The following INSR variants were observed in gnomAD, a reference collection of about 807,000 sequenced individuals.
INSR encodes IR.
A neutral mutation model predicts 142.6 loss-of-function variants in INSR; 67 were observed. The ratio of observed to expected loss-of-function variants is 0.47; its 90% confidence interval spans 0.39 to 0.58. The LOEUF (loss-of-function observed/expected upper bound fraction) is 0.58. Among genes scored for constraint, INSR ranks in the 20% least tolerant of loss-of-function variants. INSR has a pLI of 0.00. For synonymous variants in INSR, 756 were observed against 743.1 expected (o/e 1.02, Z -0.28); for missense variants, 1,248 against 1,833.2 (o/e 0.68, Z 5.83).
intron 2 of INSR, among the ~76,000 whole-genome samples, chr19:7,261,725 T>A (rs997044214): frequency 1.3e-5 from 2 of 151,934 alleles, no homozygotes; most frequent in Non-Finnish European, 2.9e-5. Flanking sequence ...GAGACAGCGT[T>A]TTGCTATGTT....
intron 4 of INSR, among the ~76,000 whole-genome samples, chr19:7,173,683 G>C (rs924620821): frequency 7.1e-6 from 1 of 141,372 alleles, no homozygotes; most frequent in Non-Finnish European, 1.5e-5. Flanking sequence ...GCAGTGGCGC[G>C]ATCCCAGCTC....
At chr19:7,134,637 C>T (rs1306632838) in intron 13 of INSR, among the ~76,000 whole-genome samples, 2 of 151,500 alleles carry the variant, frequency 1.3e-5, no homozygotes, top group East Asian at 1.9e-4. Flanking sequence ...TGGTGGTGTG[C>T]GCCTGTAATC....
intron 2 of INSR, among the ~76,000 whole-genome samples, chr19:7,211,682 C>G (rs1347980770): frequency 6.6e-6 from 1 of 152,214 alleles, no homozygotes; most frequent in African/African-American, 2.4e-5. Context: ...ACAGCTGACT[C>G]TACTCCCACA....
intron 2 of INSR, among the ~76,000 whole-genome samples, chr19:7,265,652 TTGAACCCGGGAGGCA>T (rs1967700168): frequency 6.6e-6 from 1 of 151,636 alleles, no homozygotes; most frequent in African/African-American, 2.4e-5. Context: ...GGAGAACCGC[TTGAACCCGGGAGGCA>T]GAGGTTGCAG....
Position 7,281,159 on chromosome 19 carries a change from A to G in INSR, c.100+12633T>C, listed in dbSNP as rs540432206. ...CAGACAAGAGCAGACAGGACACAGA[A>G]GACAGGAGGAAAAACAAGAGAAGTC... On this transcript the variant is annotated intron_variant, in intron 1 of 21. Coordinates refer to ENST00000302850, the MANE Select transcript of INSR (RefSeq NM_000208.4). 9.2e-5 allele frequency among the ~76,000 whole-genome samples: 14 copies of G among 152,322 alleles called. No individual in the cohort carries two copies. In the East Asian group the frequency reaches 2.5e-3, roughly 27 times the overall value.
intron 1 of INSR, among the ~76,000 whole-genome samples, chr19:7,269,143 A>G (rs1054553438): frequency 1.3e-5 from 2 of 151,192 alleles, no homozygotes; most frequent in Admixed American, 1.3e-4. Context: ...TTTGTTCCAA[A>G]ACACTAAACC....
chr19:7,175,203 C>G (rs1396527005), intron 3 of INSR, among the ~76,000 whole-genome samples: 1 of 151,950 alleles, frequency 6.6e-6, no homozygotes. Flanking sequence ...TAGGACATAT[C>G]GCTTGATTGT....
In INSR at chr19:7,252,065, G is replaced by A. The variant is rs946688002; in HGVS notation, c.652+15280C>T. Among the ~76,000 whole-genome samples the A allele has an allele frequency of 1.1e-4, 17 of 152,100 alleles. No homozygotes were observed. In the South Asian group the frequency reaches 1.5e-3, roughly 13 times the overall value. ...GAGGTGGGTGGATCACCTGAGGTCC[G>A]GAGTTCAAGACCAGCCTGGCCAACA... On this transcript the variant is annotated intron_variant, in intron 2 of 21. Coordinates refer to ENST00000302850, the MANE Select transcript of INSR (RefSeq NM_000208.4).
intron 14 of INSR, 131 bp downstream of exon 14, chr19:7,132,027 A>C (rs1042188101): frequency 3.2e-5 from 35 of 1,107,520 alleles, no homozygotes; most frequent in Non-Finnish European, 4.7e-5. Context: ...CAAGCACCGC[A>C]GCAGCTGATA....
Position 7,219,982 on chromosome 19 carries a change from A to G in INSR, c.653-35345T>C, listed in dbSNP as rs190342776. Among the ~76,000 whole-genome samples, 201 of 152,296 alleles carry G rather than the reference A, an allele frequency of 1.3e-3. 1 individual carries two copies. The highest frequency in any genetic ancestry group is 4.2e-3 in the African/African-American group (174 of 41,562). On this transcript the variant is annotated intron_variant, in intron 2 of 21. Coordinates refer to ENST00000302850, the MANE Select transcript of INSR (RefSeq NM_000208.4). ...ATCTTATGGAACCTTCTGGGGTCAC[A>G]TGCCCACCCCTGAACCAATCATGGA...
intron 2 of INSR, among the ~76,000 whole-genome samples, chr19:7,210,129 G>C (rs1975229942): frequency 6.6e-6 from 1 of 151,962 alleles, no homozygotes; most frequent in Admixed American, 6.6e-5. Context: ...TGGATCACCT[G>C]AGGTCAGGAG....
intron 2 of INSR, among the ~76,000 whole-genome samples, chr19:7,249,147 C>T (rs1005825855): frequency 6.6e-6 from 1 of 152,050 alleles, no homozygotes; most frequent in African/African-American, 2.4e-5. Flanking sequence ...AAATTTAAGA[C>T]CATCCTCTAA....
intron 2 of INSR, among the ~76,000 whole-genome samples, chr19:7,248,746 T>G (rs1174594674): frequency 7.5e-6 from 1 of 133,412 alleles, no homozygotes; most frequent in African/African-American, 2.7e-5. Flanking sequence ...TATTCCCGGT[T>G]GGCCAGAATT....
chr19:7,285,854 T>C (rs1158504207), intron 1 of INSR, among the ~76,000 whole-genome samples: 2 of 152,020 alleles, frequency 1.3e-5, no homozygotes, highest in Admixed American at 1.3e-4. Flanking sequence ...TTGAGGGAGT[T>C]TGGACAACAA....
Position 7,197,829 on chromosome 19 carries a change from A to AAC in INSR, c.653-13193_653-13192insGT, listed in dbSNP as rs1174418516. On this transcript the variant is annotated intron_variant, in intron 2 of 21. Transcript: ENST00000302850. ...GAGTGGGAGAGAGAGCGAGAGAGAGAGAGAACGAGAGAGAGAGAGAGAGAA... is the reference window on the plus strand; with the variant it reads ...GAGTGGGAGAGAGAGCGAGAGAGAGAACGAGAACGAGAGAGAGAGAGAGAGAA... Among the ~76,000 whole-genome samples the AAC allele has an allele frequency of 1.8e-4, 11 of 59,750 alleles. 1 individual carries two copies. The highest frequency in any genetic ancestry group is 7.7e-4 in the East Asian group (2 of 2,608). 39.2% of individuals were successfully genotyped at this position (59,750 alleles called of 152,430 possible).
chr19:7,215,146 G>C (rs553056221), intron 2 of INSR, among the ~76,000 whole-genome samples: 1 of 152,142 alleles, frequency 6.6e-6, no homozygotes, highest in South Asian at 2.1e-4. Context: ...GTAGACAAAG[G>C]TCATACAGCA....
At chr19:7,197,516 G>T (rs74180103) in intron 2 of INSR, among the ~76,000 whole-genome samples, 18,764 of 70,052 alleles carry the variant, frequency 0.27, 4,235 homozygotes, top group Non-Finnish European at 0.28. Context: ...TGGGAGTGGG[G>T]GTGTGTGTGT....
chr19:7,128,879 C>G lies in INSR; in HGVS notation c.2918G>C (p.Gly973Ala). ...IFVFLFSVVI[G>A]SIYLFLRKRQ... is the part of the protein sequence containing the mutation. ...CTTTCTCAGGAATAGATAAATACTT[C>G]CAATCACAACACTGAAGAGAAAGAC... The change falls in exon 15 of 22, where the codon GGA (glycine) becomes GCA (alanine). Residue 973 changes from glycine to alanine, a missense_variant. Physicochemically the swap from Gly to Ala is moderately conservative, Grantham distance 60. Coordinates refer to ENST00000302850, the MANE Select transcript of INSR (RefSeq NM_000208.4). 1 of 1,613,742 alleles carries G rather than the reference C, an allele frequency of 6.2e-7. No individual in the cohort carries two copies. The highest frequency in any genetic ancestry group is 8.5e-7 in the Non-Finnish European group (1 of 1,179,650).
At position 7,248,754 on chromosome 19, in the gene INSR, A is replaced by ATTTTTTTTT. The variant is rs552940485; in HGVS notation, c.652+18582_652+18590dup. Among the ~76,000 whole-genome samples, 103 of 97,252 alleles carry ATTTTTTTTT rather than the reference A, an allele frequency of 1.1e-3. 4 individuals are homozygous for ATTTTTTTTT. Among genetic ancestry groups the ATTTTTTTTT allele is most frequent in the East Asian group, 5.9e-3 (17 of 2,880 alleles). The allele number at this position is 97,252 out of a possible 152,430, so 63.8% of individuals were successfully genotyped here. A position where few individuals can be genotyped will look rare whatever the true frequency, so the allele number is the denominator to read the frequency against. The stretch of plus-strand genomic sequence containing the variant: ...CCTGGACTATTCCCGGTTGGCCAGA[A>ATTTTTTTTT]TTTTTTTTTTTTTTTTTTTTTGAGA... On this transcript the variant is annotated intron_variant, in intron 2 of 21. Coordinates refer to ENST00000302850, the MANE Select transcript of INSR (RefSeq NM_000208.4).
Sources: allele counts gnomAD v4.1 joint callset (sites outside exome capture counted in the v4.1 genomes callset), GRCh38; gene constraint gnomAD v4.1.1; transcripts MANE v1.5; gene names NCBI Gene and HGNC (gene_info 2026-07-23, HGNC 2026-07-21).